The following PTPRS variants were observed in gnomAD, a reference collection of about 807,000 sequenced individuals.
PTPRS encodes the protein protein tyrosine phosphatase receptor type S, also known as receptor-type tyrosine-protein phosphatase S.
A neutral mutation model predicts 215.3 loss-of-function variants in PTPRS; 63 were observed. The observed-to-expected ratio is 0.29, with a 90% CI of 0.24 to 0.36. The LOEUF is 0.36. Ranked by LOEUF, PTPRS falls within the 10% of genes least tolerant of loss-of-function variation. PTPRS has a pLI of 1.00. For synonymous variants in PTPRS, 1,404 were observed against 1,191.4 expected (o/e 1.18, Z -3.68); for missense variants, 2,258 against 2,825.8 (o/e 0.80, Z 4.56).
chr19:5,245,548 C>T (rs1427702579), intron 10 of PTPRS, among the ~76,000 whole-genome samples: 1 of 152,202 alleles, frequency 6.6e-6, no homozygotes, highest in Non-Finnish European at 1.5e-5. Context: ...CTGCCTTGGC[C>T]TCCCAAAGTG....
At chr19:5,260,889 A>C in intron 6 of PTPRS, 67 bp from the exon 7 acceptor site, 1 of 1,575,754 alleles carries the variant, frequency 6.3e-7, no homozygotes, top group South Asian at 1.1e-5. Flanking sequence ...GGGGGGCCCC[A>C]GGGAAGCTGG....
chr19:5,222,033 T>TCA (rs2042019761), intron 19 of PTPRS, 90 bp downstream of exon 19: 2 of 1,092,146 alleles, frequency 1.8e-6, no homozygotes. Context: ...ATCCCTCACT[T>TCA]CACACCAACT....
At chr19:5,330,432 C>T (rs1191196710) in intron 1 of PTPRS, among the ~76,000 whole-genome samples, 3 of 152,196 alleles carry the variant, frequency 2.0e-5, no homozygotes, top group Admixed American at 1.3e-4. Context: ...GCCCCCACCA[C>T]GGGGGACTTT....
At position 5,216,812 on chromosome 19, in the gene PTPRS, G is replaced by A. The variant is rs748312847; in HGVS notation, c.4049-45C>T. The A allele has an allele frequency of 1.3e-5, 16 of 1,235,442 alleles. No individual in the cohort carries two copies. In the African/African-American group the frequency reaches 2.5e-4, roughly 19 times the overall value. 76.5% of individuals were successfully genotyped at this position (1,235,442 alleles called of 1,614,324 possible). A position where few individuals can be genotyped will look rare whatever the true frequency, so the allele number is the denominator to read the frequency against. On this transcript the variant is annotated intron_variant, in intron 25 of 37. Coordinates refer to ENST00000262963, the MANE Select transcript of PTPRS (RefSeq NM_002850.4). ...AATAAATGAAAACATGCAGGGGGTA[G>A]GGGGGGGTCCCACCTCTGCCTCCCC...
At chr19:5,275,806 AAAAAAC>A (rs955536659) in intron 2 of PTPRS, among the ~76,000 whole-genome samples, 2 of 152,058 alleles carry the variant, frequency 1.3e-5, no homozygotes, top group Admixed American at 6.5e-5. Context: ...ACTCCGTCTC[AAAAAAC>A]AAAAACAAAA....
intron 1 of PTPRS, among the ~76,000 whole-genome samples, chr19:5,322,485 A>C (rs918301773): frequency 2.0e-5 from 3 of 151,780 alleles, no homozygotes; most frequent in African/African-American, 4.8e-5. Flanking sequence ...GCGGGGACCG[A>C]CTCGAGCCCG....
chr19:5,320,597 T>G lies in PTPRS; in HGVS notation c.-95+20067A>C, dbSNP rs796567837. The stretch of plus-strand genomic sequence containing the variant: ...CCACCATGCTGGGCTCTCATTTTTG[T>G]ATCTTTTTAGTAAAGATGGGGTTTC... On this transcript the variant is annotated intron_variant, in intron 1 of 37. Transcript: ENST00000262963. Among the ~76,000 whole-genome samples, 11 of 152,304 alleles carry G rather than the reference T, an allele frequency of 7.2e-5. 1 individual carries two copies. The highest frequency in any genetic ancestry group is 2.6e-4 in the African/African-American group (11 of 41,564).
chr19:5,219,639 C>T (rs994356462), intron 22 of PTPRS, among the ~76,000 whole-genome samples, 172 bp from the exon 23 acceptor site: 1 of 152,330 alleles, frequency 6.6e-6, no homozygotes, highest in South Asian at 2.1e-4. Context: ...TTTGCTCTCC[C>T]CATTCCCTTC....
chr19:5,264,921 T>G (rs115544695), intron 5 of PTPRS, 87 bp downstream of exon 5: 86 of 1,439,042 alleles, frequency 6.0e-5, no homozygotes, highest in Non-Finnish European at 7.8e-5. Context: ...TGTCCTCCAG[T>G]AGTCCCCAGA....
chr19:5,303,432 C>T (rs937977233), intron 1 of PTPRS, among the ~76,000 whole-genome samples: 17 of 152,168 alleles, frequency 1.1e-4, no homozygotes, highest in African/African-American at 3.9e-4. Context: ...GTCTTGAGTG[C>T]TGGGGACACA....
chr19:5,208,143 C>A, intron 36 of PTPRS, 86 bp from the exon 37 acceptor site: 1 of 1,572,254 alleles, frequency 6.4e-7, no homozygotes, highest in Non-Finnish European at 8.7e-7. Flanking sequence ...AGGACTCTAA[C>A]AGCCCAGATG....
chr19:5,215,242 C>T, intron 28 of PTPRS, 47 bp downstream of exon 28: 2 of 1,606,672 alleles, frequency 1.2e-6, no homozygotes, highest in Non-Finnish European at 1.7e-6. Context: ...CTAGCACTTT[C>T]CATGCAGTGG....
At chr19:5,226,787 A>C (rs2042542633) in intron 16 of PTPRS, among the ~76,000 whole-genome samples, 1 of 152,074 alleles carries the variant, frequency 6.6e-6, no homozygotes, top group Admixed American at 6.6e-5. Context: ...CAATCAACTA[A>C]GTTATATTGA....
chr19:5,210,589 C>T lies in PTPRS; in HGVS notation c.5367G>A (p.Lys1789=). ...GCTCGGCCGGCCAGTACTGGTGACA[C>T]TTCTCCTGTGGAGGAGATGGCGGCC... The part of the protein sequence containing the change: ...LTKLREMGRE[K]CHQYWPAERS... Residue 1789 remains lysine (K), a synonymous_variant, in exon 35 of 38, where the codon AAG becomes AAA. Coordinates refer to ENST00000262963, the MANE Select transcript of PTPRS (RefSeq NM_002850.4). This position sits in a 1 kb window ranked among gnomAD's most constrained non-coding sequence, Gnocchi z 4.5. 1.9e-6 allele frequency: 3 copies of T among 1,614,218 alleles called. No homozygotes were observed. Among genetic ancestry groups the T allele is most frequent in the Non-Finnish European group, 8.5e-7 (1 of 1,180,030 alleles).
intron 6 of PTPRS, among the ~76,000 whole-genome samples, chr19:5,262,370 C>T (rs2046066938): frequency 6.6e-6 from 1 of 152,182 alleles, no homozygotes. Context: ...TGTTCCGCCT[C>T]CCACCCTGAG....
Position 5,276,841 on chromosome 19 carries a change from A to G in PTPRS, c.92-2497T>C, listed in dbSNP as rs369737248. 5.9e-5 allele frequency among the ~76,000 whole-genome samples: 9 copies of G among 152,192 alleles called. No homozygotes were observed. The East Asian group carries it at 7.7e-4, about 13-fold the overall frequency. ...ACAGGCGTGAGCCACCAGGCAGGTG[A>G]GTATGCCTATTTTAACATCCTAGAG... On this transcript the variant is annotated intron_variant, in intron 2 of 37. Transcript: ENST00000262963.
rs1156567371 is a variant in PTPRS at position 5,222,997 on chromosome 19, G to C, written c.2795C>G (p.Pro932Arg). The part of the protein sequence containing the change: ...SIPEDTPRGH[P>R]QILEAAGNAS... ...GTTGCCGGCCGCCTCCAGAATCTGC[G>C]GGTGGCCACGGGGCGTGTCCTCCGG... Residue 932 changes from proline (P) to arginine (R), a missense_variant, in exon 18 of 38, where the codon CCG becomes CGG. Pro to Arg is a moderately radical substitution (Grantham distance 103). Coordinates refer to ENST00000262963, the MANE Select transcript of PTPRS (RefSeq NM_002850.4). The C allele has an allele frequency of 1.3e-6, 2 of 1,540,940 alleles. No individual in the cohort carries two copies. The highest frequency in any genetic ancestry group is 3.9e-5 in the Admixed American group (2 of 50,984).
Position 5,257,431 on chromosome 19 carries a change from C to T in PTPRS, c.706+586G>A, listed in dbSNP as rs767906049. 1.1e-5 allele frequency: 5 copies of T among 458,504 alleles called. No individual in the cohort carries two copies. Among genetic ancestry groups the T allele is most frequent in the South Asian group, 3.1e-5 (2 of 64,654 alleles). 28.4% of individuals were successfully genotyped at this position (458,504 alleles called of 1,614,324 possible). A position where few individuals can be genotyped will look rare whatever the true frequency, so the allele number is the denominator to read the frequency against. On this transcript the variant is annotated intron_variant, in intron 8 of 37. Coordinates refer to ENST00000262963, the MANE Select transcript of PTPRS (RefSeq NM_002850.4). The surrounding 1 kb of genome is among the most constrained non-coding windows in gnomAD (Gnocchi z 4.4). The stretch of plus-strand genomic sequence containing the variant: ...TCCCATCGGCCTGGACTGCCCTTCT[C>T]GGAGAGTCATTAGGAAGAGGCAGAA...
chr19:5,277,714 G>A (rs1190289065), intron 2 of PTPRS: 5 of 616,618 alleles, frequency 8.1e-6, no homozygotes, highest in Non-Finnish European at 1.2e-5. Flanking sequence ...GGAGGTGGCA[G>A]CCGTCTCCTC....
Sources: gnomAD v4.1 joint callset for allele counts (sites outside exome capture counted in the v4.1 genomes callset) on GRCh38, gnomAD v4.1.1 for gene constraint, Gnocchi (gnomAD v3.1) non-coding constraint, MANE v1.5 for transcripts, NCBI Gene and HGNC (gene_info 2026-07-23, HGNC 2026-07-21) for gene names.